CAST: variants seen among roughly 807,000 people sequenced by gnomAD.
The protein encoded by CAST is MIR583 host.
CAST carries 76 observed loss-of-function variants against 119.6 expected under a neutral mutation model. The observed-to-expected ratio is 0.64, with a 90% CI of 0.53 to 0.77. CAST has a LOEUF of 0.77. CAST is among the 30% of genes least tolerant of loss of function. The probability of loss-of-function intolerance (pLI) is 0.00; values close to 1 mark genes in which losing one functional copy is unlikely to be tolerated. For missense variants in CAST, 953 were observed against 946.5 expected, an observed-to-expected ratio of 1.01 and a Z score of -0.09; for synonymous variants, 319 against 331.6, an observed-to-expected ratio of 0.96 and a Z score of 0.41.
upstream of CAST, among the ~76,000 whole-genome samples, chr5:96,526,271 C>A (rs761379293): frequency 3.9e-5 from 6 of 152,112 alleles, no homozygotes; most frequent in Non-Finnish European, 7.3e-5. Context: ...ATATAGCATT[C>A]TGAGCTATAG....
chr5:95,983,365 A>C, the CAST span, among the ~76,000 whole-genome samples: 448 of 152,362 alleles, frequency 2.9e-3, 12 homozygotes, highest in Admixed American at 0.025. Context: ...CACAATAAAA[A>C]GTATTTGAAA....
At chr5:96,402,242 G>T in the CAST span, among the ~76,000 whole-genome samples, 1 of 152,142 alleles carries the variant, frequency 6.6e-6, no homozygotes, top group Admixed American at 6.6e-5. Context: ...GACCATAGGC[G>T]ATTTCAAAGG....
chr5:96,467,022 G>A, the CAST span, among the ~76,000 whole-genome samples: 1,690 of 152,220 alleles, frequency 0.011, 82 homozygotes, highest in Admixed American at 0.088. Flanking sequence ...TTTAACAAGT[G>A]TTGATCAGAT....
At chr5:96,612,670 C>A (rs904132360) in intron 1 of CAST, among the ~76,000 whole-genome samples, 5 of 152,122 alleles carry the variant, frequency 3.3e-5, no homozygotes, top group African/African-American at 9.7e-5. Flanking sequence ...TATATCAAAT[C>A]TTTTACTTTA....
In CAST at chr5:96,746,371, G is replaced by A. The variant is rs1297456652; in HGVS notation, c.1230G>A (p.Lys410=). 1.9e-6 allele frequency: 3 copies of A among 1,612,518 alleles called. No individual in the cohort carries two copies. The highest frequency in any genetic ancestry group is 2.2e-5 in the South Asian group (2 of 91,056). The stretch of plus-strand genomic sequence containing the variant: ...AAGCTAAAGAAGAAAAACTAGAGAA[G>A]TGTGGTGAGGATGATGAAACAATCC... ...EAKAKEEKLE[K]CGEDDETIPS... is the part of the protein sequence containing the mutation. Residue 410 remains lysine (K), a synonymous_variant, in exon 17 of 32, where the codon AAG becomes AAA. Transcript: ENST00000675179.
At chr5:96,355,018 CT>C in the CAST span, among the ~76,000 whole-genome samples, 15 of 151,478 alleles carry the variant, frequency 9.9e-5, no homozygotes, top group South Asian at 2.1e-4. Flanking sequence ...CTTTATAGTT[CT>C]TTTTTTTATA....
At chr5:96,471,764 CTG>C in the CAST span, among the ~76,000 whole-genome samples, 277 of 70,304 alleles carry the variant, frequency 3.9e-3, no homozygotes, top group Middle Eastern at 6.8e-3. Context: ...CAAATGGAGT[CTG>C]TGTGTGTGTG....
chr5:96,108,843 G>T, the CAST span, among the ~76,000 whole-genome samples: 4 of 152,226 alleles, frequency 2.6e-5, no homozygotes, highest in Admixed American at 1.3e-4. Context: ...CCTTGCAGTT[G>T]GATCTCAGAC....
chr5:95,977,999 A>G, the CAST span, among the ~76,000 whole-genome samples: 1 of 150,790 alleles, frequency 6.6e-6, no homozygotes, highest in Admixed American at 6.6e-5. Flanking sequence ...TTATGGCTGC[A>G]TGGTATTCCA....
chr5:96,320,208 C>A, the CAST span, among the ~76,000 whole-genome samples: 1 of 148,962 alleles, frequency 6.7e-6, no homozygotes, highest in Non-Finnish European at 1.5e-5. Flanking sequence ...AGGCTGTGGC[C>A]TCTTTTGGAA....
the CAST span, among the ~76,000 whole-genome samples, chr5:96,225,216 C>T: frequency 2.0e-5 from 3 of 152,158 alleles, no homozygotes; most frequent in East Asian, 5.8e-4. Flanking sequence ...GACTTTGTTG[C>T]TATTTGTTTT....
chr5:96,715,804 A>T (rs1561512459), intron 3 of CAST, among the ~76,000 whole-genome samples: 2 of 152,162 alleles, frequency 1.3e-5, no homozygotes, highest in African/African-American at 4.8e-5. Flanking sequence ...CTAAGATCTT[A>T]TCACAGTCAA....
At chr5:95,968,128 A>G in the CAST span, among the ~76,000 whole-genome samples, 1 of 152,276 alleles carries the variant, frequency 6.6e-6, no homozygotes, top group African/African-American at 2.4e-5. Context: ...ATAAAGAGAA[A>G]ATGGTTGGTT....
chr5:96,359,167 T>C, the CAST span, among the ~76,000 whole-genome samples: 1 of 152,224 alleles, frequency 6.6e-6, no homozygotes, highest in Non-Finnish European at 1.5e-5. Flanking sequence ...CCCTGCTTTT[T>C]CTTGCTTTCC....
intron 1 of CAST, among the ~76,000 whole-genome samples, chr5:96,606,413 AG>A (rs1747255962): frequency 6.6e-6 from 1 of 152,238 alleles, no homozygotes; most frequent in Non-Finnish European, 1.5e-5. Flanking sequence ...CCTGAGGATC[AG>A]GAATAAAATG....
chr5:96,701,238 T>G (rs930403866), intron 3 of CAST, among the ~76,000 whole-genome samples: 2 of 151,912 alleles, frequency 1.3e-5, no homozygotes, highest in African/African-American at 4.8e-5. Context: ...AGAAAATTTG[T>G]TTTATAACCA....
intron 2 of CAST, among the ~76,000 whole-genome samples, chr5:96,689,446 T>G (rs1752469384): frequency 6.6e-6 from 1 of 152,210 alleles, no homozygotes; most frequent in Non-Finnish European, 1.5e-5. Flanking sequence ...TGAGAACTAG[T>G]TTGGCAGGAA....
At chr5:96,291,691 A>G in the CAST span, among the ~76,000 whole-genome samples, 1 of 151,878 alleles carries the variant, frequency 6.6e-6, no homozygotes, top group East Asian at 1.9e-4. Context: ...GGGAGAGGGG[A>G]GCATGGAAGA....
At chr5:96,327,889 T>C in the CAST span, among the ~76,000 whole-genome samples, 2 of 152,178 alleles carry the variant, frequency 1.3e-5, no homozygotes, top group Non-Finnish European at 2.9e-5. Flanking sequence ...TTAAATTACA[T>C]CATATATTTG....
Sources: allele counts gnomAD v4.1 joint callset (sites outside exome capture counted in the v4.1 genomes callset), GRCh38; gene constraint gnomAD v4.1.1; transcripts MANE v1.5; gene names NCBI Gene and HGNC (gene_info 2026-07-23, HGNC 2026-07-21).